The following GRM7 variants were observed in gnomAD, a reference collection of about 807,000 sequenced individuals.
GRM7 encodes metabotropic glutamate receptor 7.
GRM7 carries 35 observed loss-of-function variants against 84.5 expected under a neutral mutation model. That is an observed-to-expected ratio of 0.41 (90% CI 0.32 to 0.55). The LOEUF is 0.55. Among genes scored for constraint, GRM7 ranks in the 20% least tolerant of loss-of-function variants. The pLI is 0.19. For missense variants in GRM7, 1,003 were observed against 1,194.6 expected (o/e 0.84, Z 2.36); for synonymous variants, 487 against 455.1 (o/e 1.07, Z -0.89).
intron 9 of GRM7, among the ~76,000 whole-genome samples, chr3:7,715,779 T>C (rs553282435): frequency 6.6e-6 from 1 of 152,324 alleles, no homozygotes; most frequent in East Asian, 1.9e-4. Flanking sequence ...GTATCTGGCA[T>C]ACACAGAGAG....
At chr3:6,952,166 C>T (rs1356301435) in intron 1 of GRM7, among the ~76,000 whole-genome samples, 3 of 152,076 alleles carry the variant, frequency 2.0e-5, no homozygotes, top group Admixed American at 6.5e-5. Flanking sequence ...TTCTGGTGTT[C>T]CTTCCAAGGG....
chr3:7,415,167 A>T lies in GRM7; in HGVS notation c.1174+4A>T, dbSNP rs906504026. On this transcript the variant is annotated splice_donor_region_variant and intron_variant, in intron 5 of 9. Transcript: ENST00000357716. Reference sequence around the variant, plus strand: ...GACACAGATCGCAAATGCACAGGTAATTTAATTCTCGTTGTCCTTCTCCTA... The same window carrying T: ...GACACAGATCGCAAATGCACAGGTATTTTAATTCTCGTTGTCCTTCTCCTA... The T allele has an allele frequency of 6.2e-7, 1 of 1,611,842 alleles. No homozygotes were observed. Among genetic ancestry groups the T allele is most frequent in the Non-Finnish European group, 8.5e-7 (1 of 1,178,158 alleles).
intron 2 of GRM7, among the ~76,000 whole-genome samples, chr3:7,206,311 A>G (rs529179144): frequency 1.3e-5 from 2 of 152,342 alleles, no homozygotes; most frequent in African/African-American, 4.8e-5. Context: ...TATTACGACT[A>G]ACTAAAATGA....
At chr3:7,304,510 CTTTA>C (rs890860345) in intron 3 of GRM7, among the ~76,000 whole-genome samples, 16 of 151,158 alleles carry the variant, frequency 1.1e-4, no homozygotes, top group African/African-American at 3.2e-4. Context: ...TTTTTTGATT[CTTTA>C]TTTATTAAAA....
In GRM7 at chr3:7,456,978, T is replaced by C. The variant is rs546275934; in HGVS notation, c.1375+4171T>C. ...GACTTTCGGTTAAAAAATCAAATCC[T>C]AGAGAAAAGAAAATATTTGTCCAAG... is the stretch of plus-strand genomic sequence containing the variant. On this transcript the variant is annotated intron_variant, in intron 6 of 9. Transcript: ENST00000357716. Among the ~76,000 whole-genome samples, 17 of 152,092 alleles carry C rather than the reference T, an allele frequency of 1.1e-4. 1 individual carries two copies. The highest frequency in any genetic ancestry group is 1.5e-4 in the Non-Finnish European group (10 of 68,002).
At chr3:7,517,136 G>C (rs757381885) in intron 7 of GRM7, among the ~76,000 whole-genome samples, 8 of 152,268 alleles carry the variant, frequency 5.3e-5, no homozygotes, top group African/African-American at 1.9e-4. Flanking sequence ...GACAAGTCAA[G>C]GCTACGCAAA....
intron 8 of GRM7, among the ~76,000 whole-genome samples, chr3:7,659,869 G>A (rs1254142071): frequency 6.6e-6 from 1 of 152,174 alleles, no homozygotes; most frequent in Non-Finnish European, 1.5e-5. Flanking sequence ...ACCATTAATA[G>A]TATAATCACT....
intron 6 of GRM7, among the ~76,000 whole-genome samples, chr3:7,454,088 A>ACTCTCTCTCT (rs1284686500): frequency 5.4e-5 from 6 of 111,750 alleles, no homozygotes; most frequent in Admixed American, 2.6e-4. Flanking sequence ...AGCTACACAC[A>ACTCTCTCTCT]CACTCTCTCT....
chr3:6,969,388 G>T (rs894811939), intron 1 of GRM7, among the ~76,000 whole-genome samples: 1 of 152,084 alleles, frequency 6.6e-6, no homozygotes, highest in African/African-American at 2.4e-5. Flanking sequence ...CATAAATGAA[G>T]ACACTAACTA....
chr3:7,372,678 G>C (rs1018829106), intron 4 of GRM7, among the ~76,000 whole-genome samples: 2 of 152,030 alleles, frequency 1.3e-5, no homozygotes, highest in Non-Finnish European at 2.9e-5. Flanking sequence ...GCACCAAACA[G>C]GTATCAGATC....
intron 4 of GRM7, among the ~76,000 whole-genome samples, chr3:7,409,758 G>A (rs528676305): frequency 1.3e-5 from 2 of 151,924 alleles, no homozygotes; most frequent in African/African-American, 4.8e-5. Context: ...ATGCCACCAC[G>A]CCCGGCGAAT....
intron 2 of GRM7, among the ~76,000 whole-genome samples, chr3:7,296,395 C>T (rs772680603): frequency 6.6e-6 from 1 of 151,842 alleles, no homozygotes; most frequent in African/African-American, 2.4e-5. Flanking sequence ...TTAGGTAATA[C>T]CTCATAAAAT....
At chr3:7,672,078 C>G in intron 8 of GRM7, among the ~76,000 whole-genome samples, 1 of 152,062 alleles carries the variant, frequency 6.6e-6, no homozygotes, top group East Asian at 1.9e-4. Context: ...CCCTCCCCTG[C>G]CCCGGGGGGA....
At chr3:7,503,027 T>C (rs1256515165) in intron 7 of GRM7, among the ~76,000 whole-genome samples, 2 of 152,120 alleles carry the variant, frequency 1.3e-5, no homozygotes, top group East Asian at 3.9e-4. Context: ...CTTATACATG[T>C]AATTTGCTCT....
At chr3:7,443,019 C>A (rs1318968440) in intron 5 of GRM7, among the ~76,000 whole-genome samples, 1 of 151,150 alleles carries the variant, frequency 6.6e-6, no homozygotes, top group Non-Finnish European at 1.5e-5. Flanking sequence ...TTATTTTCCT[C>A]ATTTTCTTTT....
At chr3:7,261,315 T>C (rs900828543) in intron 2 of GRM7, among the ~76,000 whole-genome samples, 2 of 152,148 alleles carry the variant, frequency 1.3e-5, no homozygotes, top group African/African-American at 4.8e-5. Flanking sequence ...AATTTTATGG[T>C]TTTGAGTGAT....
intron 7 of GRM7, among the ~76,000 whole-genome samples, chr3:7,537,581 A>C (rs530826458): frequency 6.6e-6 from 1 of 152,286 alleles, no homozygotes; most frequent in African/African-American, 2.4e-5. Flanking sequence ...ACAGGCACTT[A>C]TTTTTCATGT....
intron 8 of GRM7, among the ~76,000 whole-genome samples, chr3:7,645,310 A>G (rs558859159): frequency 2.4e-4 from 36 of 152,168 alleles, no homozygotes; most frequent in Non-Finnish European, 5.0e-4. Context: ...GCACTTTGGG[A>G]GGCCAAGGCG....
At chr3:7,678,821 C>A (rs182149485) in intron 8 of GRM7, among the ~76,000 whole-genome samples, 30 of 152,266 alleles carry the variant, frequency 2.0e-4, no homozygotes, top group Non-Finnish European at 3.7e-4. Context: ...GTCCAGGCAG[C>A]CAATATGTCT....
Sources: gnomAD v4.1 joint callset for allele counts (sites outside exome capture counted in the v4.1 genomes callset) on GRCh38, gnomAD v4.1.1 for gene constraint, MANE v1.5 for transcripts, NCBI Gene and HGNC (gene_info 2026-07-23, HGNC 2026-07-21) for gene names.